Variants in MYO3B observed in about 807,000 individuals in gnomAD.
The protein encoded by MYO3B is myosin-IIIb.
MYO3B carries 156 observed loss-of-function variants against 174.6 expected under a neutral mutation model. The ratio of observed to expected loss-of-function variants is 0.89; its 90% CI spans 0.78 to 1.02. MYO3B has a LOEUF of 1.02. Among genes scored for constraint, MYO3B ranks in the 50% least tolerant of loss-of-function variants. MYO3B has a pLI of 0.00. For missense variants in MYO3B, 1,632 were observed against 1,639.4 expected (o/e 1.00, Z 0.08); for synonymous variants, 563 against 569.1 (o/e 0.99, Z 0.15).
rs139462711 is a variant in MYO3B, at chr2:170,447,550, T to A, written c.2730+3504T>A. On this transcript the variant is annotated intron_variant, in intron 23 of 34. Coordinates refer to ENST00000408978, the MANE Select transcript of MYO3B (RefSeq NM_138995.5). ...TATCTGTATCCAAGAGTAAACTTAGTTGACAAATGAGGCAAATCTTTTTAC... is the reference window on the plus strand; with the variant it reads ...TATCTGTATCCAAGAGTAAACTTAGATGACAAATGAGGCAAATCTTTTTAC... Among the ~76,000 whole-genome samples the A allele has an allele frequency of 2.4e-4, 36 of 152,320 alleles. No homozygotes were observed. In the East Asian group the frequency reaches 6.4e-3, roughly 27 times the overall value.
At chr2:170,324,854 G>C (rs2093854171) in intron 7 of MYO3B, among the ~76,000 whole-genome samples, 1 of 152,128 alleles carries the variant, frequency 6.6e-6, no homozygotes, top group Non-Finnish European at 1.5e-5. Flanking sequence ...GTGGCATTTG[G>C]GACACCCTGT....
intron 32 of MYO3B, among the ~76,000 whole-genome samples, chr2:170,604,056 G>T (rs1055690013): frequency 6.6e-6 from 1 of 152,142 alleles, no homozygotes; most frequent in Non-Finnish European, 1.5e-5. Flanking sequence ...TATAGCTTAG[G>T]TGTCTGATAG....
At chr2:170,391,645 A>G (rs936556076) in intron 15 of MYO3B, 27 bp downstream of exon 15, 28 of 1,292,884 alleles carry the variant, frequency 2.2e-5, no homozygotes, top group Admixed American at 6.9e-5. Context: ...TTGGTTGTTA[A>G]TTTTTGATGA....
chr2:170,186,545 T>G (rs1198631303), intron 1 of MYO3B, among the ~76,000 whole-genome samples: 1 of 152,242 alleles, frequency 6.6e-6, no homozygotes, highest in Non-Finnish European at 1.5e-5. Context: ...TGAAGAGTTT[T>G]ACTTCTACAT....
intron 25 of MYO3B, among the ~76,000 whole-genome samples, chr2:170,471,762 C>T (rs1184303734): frequency 1.3e-5 from 2 of 152,038 alleles, no homozygotes; most frequent in Non-Finnish European, 2.9e-5. Flanking sequence ...GAGGCTGAGG[C>T]GGGTGGATCA....
At chr2:170,532,204 C>G (rs528436498) in intron 30 of MYO3B, among the ~76,000 whole-genome samples, 25 of 152,338 alleles carry the variant, frequency 1.6e-4, no homozygotes, top group African/African-American at 5.8e-4. Context: ...GAGGAAACAG[C>G]AGACAAGTCC....
At chr2:170,573,233 AT>A (rs371952189) in intron 32 of MYO3B, among the ~76,000 whole-genome samples, 87,453 of 149,810 alleles carry the variant, frequency 0.58, 26,397 homozygotes, top group Non-Finnish European at 0.64. Flanking sequence ...GTGTGTATAT[AT>A]ATATATATAT....
intron 9 of MYO3B, among the ~76,000 whole-genome samples, chr2:170,378,616 C>T (rs931138319): frequency 2.0e-5 from 3 of 152,188 alleles, no homozygotes; most frequent in Non-Finnish European, 2.9e-5. Context: ...ATCTGTGAGA[C>T]AGATTGGCAT....
At chr2:170,364,147 C>G (rs925900755) in intron 8 of MYO3B, among the ~76,000 whole-genome samples, 5 of 152,124 alleles carry the variant, frequency 3.3e-5, no homozygotes, top group African/African-American at 1.2e-4. Context: ...GTTGAGGACT[C>G]TGGTGTCCAT....
chr2:170,373,765 A>G (rs190241369), intron 9 of MYO3B, among the ~76,000 whole-genome samples: 2 of 152,036 alleles, frequency 1.3e-5, no homozygotes, highest in African/African-American at 4.8e-5. Context: ...GAAAGGTTAG[A>G]TAAAAGTACT....
intron 32 of MYO3B, among the ~76,000 whole-genome samples, chr2:170,592,240 G>A (rs1559142301): frequency 6.6e-6 from 1 of 152,158 alleles, no homozygotes; most frequent in Admixed American, 6.5e-5. Context: ...GCGTGGCAGG[G>A]TAGAAATATC....
chr2:170,421,402 G>A (rs1048073270), intron 22 of MYO3B, among the ~76,000 whole-genome samples: 2 of 152,158 alleles, frequency 1.3e-5, no homozygotes, highest in Admixed American at 6.5e-5. Context: ...GGCGGAGTGG[G>A]GCTTTCCCAG....
chr2:170,379,326 C>G (rs926253723), intron 9 of MYO3B, among the ~76,000 whole-genome samples: 7 of 151,726 alleles, frequency 4.6e-5, no homozygotes, highest in Non-Finnish European at 1.5e-5. Flanking sequence ...TCCTGAGTAG[C>G]TGGGGCTACA....
At chr2:170,461,126 G>C (rs1255969744) in intron 23 of MYO3B, among the ~76,000 whole-genome samples, 2 of 152,138 alleles carry the variant, frequency 1.3e-5, no homozygotes, top group African/African-American at 2.4e-5. Flanking sequence ...AAATGAAGGA[G>C]GAAAAGCCAG....
At chr2:170,217,242 T>C (rs1436314932) in intron 5 of MYO3B, 77 bp from the exon 6 acceptor site, 2 of 1,291,232 alleles carry the variant, frequency 1.5e-6, no homozygotes, top group Non-Finnish European at 2.3e-6. Flanking sequence ...ATTTGGCCTT[T>C]GTGGAAAAAG....
intron 32 of MYO3B, among the ~76,000 whole-genome samples, chr2:170,570,342 C>T (rs1169219929): frequency 6.6e-6 from 1 of 152,108 alleles, no homozygotes; most frequent in Non-Finnish European, 1.5e-5. Flanking sequence ...GTCTATCTTC[C>T]TTTTTATTTA....
chr2:170,203,502 G>T lies in MYO3B; in HGVS notation c.321+3218G>T, dbSNP rs1350255406. On this transcript the variant is annotated intron_variant, in intron 3 of 34. Coordinates refer to ENST00000408978, the MANE Select transcript of MYO3B (RefSeq NM_138995.5). The stretch of plus-strand genomic sequence containing the variant: ...AGCCAAAGCAAAAGGGGGCGGCGGG[G>T]GGGGGAGGGAGGGAGGGAGAAAGAG... Among the ~76,000 whole-genome samples, 14 of 142,060 alleles carry T rather than the reference G, an allele frequency of 9.9e-5. 1 individual carries two copies. Among genetic ancestry groups the T allele is most frequent in the East Asian group, 4.1e-4 (2 of 4,934 alleles). 93.2% of individuals were successfully genotyped at this position (142,060 alleles called of 152,430 possible). A position where few individuals can be genotyped will look rare whatever the true frequency, so the allele number is the denominator to read the frequency against.
chr2:170,194,123 A>C (rs1374447323), intron 1 of MYO3B, among the ~76,000 whole-genome samples: 1 of 152,158 alleles, frequency 6.6e-6, no homozygotes, highest in Non-Finnish European at 1.5e-5. Flanking sequence ...AAGCTGTTGC[A>C]TGTCTGAAAG....
chr2:170,626,566 A>C (rs1328362650), intron 32 of MYO3B, among the ~76,000 whole-genome samples: 1 of 152,158 alleles, frequency 6.6e-6, no homozygotes, highest in Non-Finnish European at 1.5e-5. Flanking sequence ...TAATATTGTT[A>C]TGTGTGAATT....
Sources: allele counts gnomAD v4.1 joint callset (sites outside exome capture counted in the v4.1 genomes callset), GRCh38; gene constraint gnomAD v4.1.1; transcripts MANE v1.5; gene names NCBI Gene and HGNC (gene_info 2026-07-23, HGNC 2026-07-21).